NCOA2: variants seen among roughly 807,000 people sequenced by gnomAD.
NCOA2 encodes the protein nuclear receptor coactivator 2, also known as class E basic helix-loop-helix protein 75.
A neutral mutation model predicts 145.1 loss-of-function variants in NCOA2; 21 were observed. That is an observed-to-expected ratio of 0.14 (90% CI 0.10 to 0.21). NCOA2 has a LOEUF of 0.21. NCOA2 is among the 10% of genes least tolerant of loss of function. The pLI is 1.00. For missense variants in NCOA2, 1,472 were observed against 1,837.6 expected (o/e 0.80, Z 3.64); for synonymous variants, 619 against 637.5 (o/e 0.97, Z 0.44).
chr8:70,141,950 T>G (rs1459265757), intron 13 of NCOA2, among the ~76,000 whole-genome samples: 1 of 152,224 alleles, frequency 6.6e-6, no homozygotes, highest in Non-Finnish European at 1.5e-5. Flanking sequence ...CTGTAGTTCT[T>G]CATAGCCAAG....
At chr8:70,215,294 G>C (rs1172299259) in intron 3 of NCOA2, among the ~76,000 whole-genome samples, 5 of 152,138 alleles carry the variant, frequency 3.3e-5, no homozygotes, top group African/African-American at 9.7e-5. Context: ...TGAGAAAGGG[G>C]AGTTGTGTTC....
chr8:70,118,203 CA>C (rs997539792), intron 22 of NCOA2, among the ~76,000 whole-genome samples: 4 of 152,192 alleles, frequency 2.6e-5, no homozygotes, highest in African/African-American at 4.8e-5. Context: ...CCTGGCCTCC[CA>C]AATCCATTTT....
At chr8:70,268,353 G>A (rs576469368) in intron 2 of NCOA2, among the ~76,000 whole-genome samples, 4 of 152,104 alleles carry the variant, frequency 2.6e-5, no homozygotes, top group African/African-American at 7.2e-5. Flanking sequence ...ACATTATAGG[G>A]CTCCTCATGT....
chr8:70,332,542 A>G (rs779688032), intron 1 of NCOA2, among the ~76,000 whole-genome samples: 4 of 152,212 alleles, frequency 2.6e-5, no homozygotes, highest in African/African-American at 7.2e-5. Flanking sequence ...TATTTTAGTC[A>G]TAAATTTTGC....
At chr8:70,322,556 G>A (rs886229542) in intron 1 of NCOA2, among the ~76,000 whole-genome samples, 4 of 152,068 alleles carry the variant, frequency 2.6e-5, no homozygotes, top group African/African-American at 7.2e-5. Flanking sequence ...TCCTTGAGAC[G>A]TATTAGGAGG....
chr8:70,289,432 T>C (rs552446348), intron 2 of NCOA2, among the ~76,000 whole-genome samples: 34 of 152,326 alleles, frequency 2.2e-4, no homozygotes, highest in African/African-American at 7.0e-4. Context: ...CTTAAAAATT[T>C]CCCCATTCAT....
intron 1 of NCOA2, among the ~76,000 whole-genome samples, chr8:70,361,779 G>C (rs566183668): frequency 1.3e-5 from 2 of 152,118 alleles, no homozygotes; most frequent in East Asian, 3.8e-4. Context: ...TACTTACGAC[G>C]CTCAATCATT....
At chr8:70,244,002 G>A (rs2134529194) in intron 2 of NCOA2, among the ~76,000 whole-genome samples, 1 of 152,102 alleles carries the variant, frequency 6.6e-6, no homozygotes. Flanking sequence ...CCTGCACTTA[G>A]TATAATTAAA....
At chr8:70,167,433 T>C (rs1813741749) in intron 6 of NCOA2, among the ~76,000 whole-genome samples, 1 of 152,182 alleles carries the variant, frequency 6.6e-6, no homozygotes, top group Non-Finnish European at 1.5e-5. Context: ...GTTGCCTCAG[T>C]TTCTCTCTCC....
intron 1 of NCOA2, among the ~76,000 whole-genome samples, chr8:70,315,301 C>T (rs990484480): frequency 1.3e-5 from 2 of 152,030 alleles, no homozygotes; most frequent in African/African-American, 2.4e-5. Context: ...AGCAAAAACA[C>T]TTAAAAAACA....
intron 12 of NCOA2, among the ~76,000 whole-genome samples, chr8:70,147,472 G>T (rs183274466): frequency 5.3e-5 from 8 of 152,276 alleles, no homozygotes; most frequent in African/African-American, 1.9e-4. Context: ...ACTCTGTTTT[G>T]CCAATTTAAT....
At chr8:70,246,624 AG>A (rs1246676393) in intron 2 of NCOA2, among the ~76,000 whole-genome samples, 1 of 152,112 alleles carries the variant, frequency 6.6e-6, no homozygotes, top group African/African-American at 2.4e-5. Flanking sequence ...ACAGTTCAAT[AG>A]GGTTAAGCAC....
intron 2 of NCOA2, among the ~76,000 whole-genome samples, chr8:70,217,563 C>A (rs1819743645): frequency 6.6e-6 from 1 of 152,126 alleles, no homozygotes; most frequent in Non-Finnish European, 1.5e-5. Context: ...ACTTTACTGA[C>A]CCCCAAGTGG....
chr8:70,414,936 T>TAA, the NCOA2 span, among the ~76,000 whole-genome samples: 29 of 148,162 alleles, frequency 2.0e-4, no homozygotes, highest in African/African-American at 3.9e-4. Context: ...CACAAAATGA[T>TAA]AAAAAAAAAA....
At chr8:70,128,068 G>C (rs1394274553) in intron 18 of NCOA2, among the ~76,000 whole-genome samples, 1 of 152,202 alleles carries the variant, frequency 6.6e-6, no homozygotes, top group Non-Finnish European at 1.5e-5. Context: ...TCTTTAAACA[G>C]AAACACACAT....
chr8:70,309,193 TG>T (rs1479063551), intron 1 of NCOA2, among the ~76,000 whole-genome samples: 2 of 152,148 alleles, frequency 1.3e-5, no homozygotes, highest in Non-Finnish European at 2.9e-5. Flanking sequence ...TGACAGTTCC[TG>T]GTCTTCCCAA....
At position 70,239,177 on chromosome 8, in the gene NCOA2, A is replaced by G. The variant is rs867940057; in HGVS notation, c.-19-22413T>C. 2.5e-4 allele frequency among the ~76,000 whole-genome samples: 38 copies of G among 152,224 alleles called. 2 individuals carry two copies. The Middle Eastern group carries it at 0.024, about 95-fold the overall frequency. On this transcript the variant is annotated intron_variant, in intron 2 of 22. Transcript: ENST00000452400. ...TGCCTTGAGTTTACCTGGGAATTGA[A>G]ATATCTGGAGGTGATGGGAGATCAA...
At chr8:70,289,171 A>G (rs1480741357) in intron 2 of NCOA2, among the ~76,000 whole-genome samples, 1 of 152,232 alleles carries the variant, frequency 6.6e-6, no homozygotes, top group Non-Finnish European at 1.5e-5. Context: ...AGGAAACAGA[A>G]GTGTTTTCTG....
At chr8:70,393,709 T>TA (rs1296149295) in intron 1 of NCOA2, among the ~76,000 whole-genome samples, 1 of 152,220 alleles carries the variant, frequency 6.6e-6, no homozygotes, top group Non-Finnish European at 1.5e-5. Context: ...CCCTGGAGCC[T>TA]AAAATCTGGG....
Sources: allele counts gnomAD v4.1 joint callset (sites outside exome capture counted in the v4.1 genomes callset), GRCh38; gene constraint gnomAD v4.1.1; transcripts MANE v1.5; gene names NCBI Gene and HGNC (gene_info 2026-07-23, HGNC 2026-07-21).